The following RASGRF1 variants were observed in gnomAD, a reference collection of about 807,000 sequenced individuals.
RASGRF1 encodes ras-specific guanine nucleotide-releasing factor 1.
RASGRF1 carries 40 observed loss-of-function variants against 138.7 expected under a neutral mutation model. That is an observed-to-expected ratio of 0.29 (90% CI 0.22 to 0.38). The LOEUF (loss-of-function observed/expected upper bound fraction) is 0.38. RASGRF1 is among the 10% of genes least tolerant of loss of function. The probability of loss-of-function intolerance (pLI) is 1.00; values close to 1 mark genes in which losing one functional copy is unlikely to be tolerated. For synonymous variants in RASGRF1, 614 were observed against 663.2 expected (o/e 0.93, Z 1.14); for missense variants, 1,108 against 1,650.4 (o/e 0.67, Z 5.69).
intron 3 of RASGRF1, among the ~76,000 whole-genome samples, chr15:79,057,127 C>T (rs2057521584): frequency 1.3e-5 from 2 of 152,178 alleles, no homozygotes; most frequent in African/African-American, 4.8e-5. Context: ...CACAGTCCAC[C>T]ATCACCCCCA....
chr15:79,018,436 C>T (rs1323249502), intron 11 of RASGRF1, among the ~76,000 whole-genome samples: 2 of 152,250 alleles, frequency 1.3e-5, no homozygotes, highest in Non-Finnish European at 2.9e-5. Context: ...CTGAAAGTCC[C>T]TTGAAGTCTT....
At chr15:78,963,822 A>G (rs2141581948) in intron 26 of RASGRF1, among the ~76,000 whole-genome samples, 1 of 152,298 alleles carries the variant, frequency 6.6e-6, no homozygotes, top group Middle Eastern at 3.4e-3. Context: ...GTCTGGTTTA[A>G]CCTACACCCA....
intron 10 of RASGRF1, among the ~76,000 whole-genome samples, chr15:79,024,019 T>TCTCA (rs528187864): frequency 6.7e-6 from 1 of 149,286 alleles, no homozygotes; most frequent in African/African-American, 2.5e-5. Context: ...GATACACACA[T>TCTCA]CACACACACA....
intron 2 of RASGRF1, among the ~76,000 whole-genome samples, chr15:79,059,227 CCCTTCCCTTCCCTTCCCTTCCCTAT>C (rs1204605136): frequency 0.018 from 1,160 of 62,828 alleles, 30 homozygotes; most frequent in East Asian, 0.041. Context: ...CCCTATCCTT[CCCTTCCCTTCCCTTCCCTTCCCTAT>C]CCTTCCCTTC....
At chr15:79,054,397 T>A (rs955306130) in intron 3 of RASGRF1, among the ~76,000 whole-genome samples, 10 of 152,226 alleles carry the variant, frequency 6.6e-5, no homozygotes, top group Non-Finnish European at 1.3e-4. Context: ...TACAACAGCC[T>A]GTGTCGTGGG....
intron 14 of RASGRF1, chr15:79,004,920 AC>A: frequency 1.0e-6 from 1 of 981,770 alleles, no homozygotes; most frequent in Non-Finnish European, 1.2e-6. Context: ...CAGGTAGGAA[AC>A]TGAGTCTCAG....
chr15:78,985,121 T>C lies in RASGRF1; in HGVS notation c.3300A>G (p.Val1100=). 6.2e-7 allele frequency: 1 copy of C among 1,613,578 alleles called. No individual in the cohort carries two copies. The highest frequency in any genetic ancestry group is 8.5e-7 in the Non-Finnish European group (1 of 1,179,514). The change falls in exon 23 of 27, where the codon GTA becomes GTG. Residue 1100 remains valine, a synonymous_variant. Transcript: ENST00000558480. Reference sequence around the variant, plus strand: ...TGTGGAGGCAGCGGCATATGTCAGCTACGGCCACCCACTTCTCGATGGCGC... The same window carrying C: ...TGTGGAGGCAGCGGCATATGTCAGCCACGGCCACCCACTTCTCGATGGCGC... The part of the protein sequence containing the change: ...RVSAIEKWVA[V]ADICRCLHNY...
chr15:79,048,542 G>T (rs1198737544), intron 4 of RASGRF1, among the ~76,000 whole-genome samples: 9 of 152,188 alleles, frequency 5.9e-5, no homozygotes, highest in Non-Finnish European at 1.3e-4. Flanking sequence ...GAATTAATCT[G>T]CATAAAGCTC....
intron 1 of RASGRF1, among the ~76,000 whole-genome samples, chr15:79,071,306 G>T (rs1247431313): frequency 6.6e-6 from 1 of 151,598 alleles, no homozygotes; most frequent in African/African-American, 2.4e-5. Flanking sequence ...TTTCCTCTCT[G>T]TTCTTTCCAT....
intron 21 of RASGRF1, among the ~76,000 whole-genome samples, chr15:78,991,319 C>T (rs1052680541): frequency 6.6e-6 from 1 of 152,188 alleles, no homozygotes; most frequent in Non-Finnish European, 1.5e-5. Context: ...CACGCCTGTC[C>T]CCTAAATCAG....
At chr15:79,062,158 A>ATCTCAATGTAGTCC (rs1433088018) in intron 2 of RASGRF1, among the ~76,000 whole-genome samples, 1 of 152,220 alleles carries the variant, frequency 6.6e-6, no homozygotes, top group East Asian at 1.9e-4. Flanking sequence ...GAGATTCTAA[A>ATCTCAATGTAGTCC]TCAATGTAGT....
chr15:79,026,735 T>A (rs1476240572), intron 9 of RASGRF1, among the ~76,000 whole-genome samples: 1 of 152,178 alleles, frequency 6.6e-6, no homozygotes, highest in Non-Finnish European at 1.5e-5. Flanking sequence ...AGGGGTCATT[T>A]CTTGGGCTAC....
intron 26 of RASGRF1, 21 bp downstream of exon 26, chr15:78,971,845 C>CAGCAAG (rs2141598168): frequency 1.3e-6 from 2 of 1,552,624 alleles, no homozygotes; most frequent in East Asian, 2.2e-5. Context: ...ATGCAAGTGA[C>CAGCAAG]CAGGAAAAGG....
chr15:78,998,581 T>A (rs4778773), intron 18 of RASGRF1, 138 bp downstream of exon 18: 1 of 726,784 alleles, frequency 1.4e-6, no homozygotes, highest in Non-Finnish European at 2.4e-6. Flanking sequence ...GGGTGGCACA[T>A]TTGAGCTCCC....
rs2055820368 is a variant in RASGRF1, at chr15:78,973,845, C to A, written c.3495-425G>T. Among the ~76,000 whole-genome samples the A allele has an allele frequency of 6.6e-6, 1 of 152,100 alleles. No homozygotes were observed. Among genetic ancestry groups the A allele is most frequent in the Non-Finnish European group, 1.5e-5 (1 of 68,014 alleles). Reference sequence around the variant, plus strand: ...ATCACCTCCTGGAGGGCTCTGCAGCCCCAGCCCCCCAACTCCTGCCAGTCA... The same window carrying A: ...ATCACCTCCTGGAGGGCTCTGCAGCACCAGCCCCCCAACTCCTGCCAGTCA... On this transcript the variant is annotated intron_variant, in intron 24 of 26. Transcript: ENST00000558480. The surrounding 1 kb of genome is among the most constrained non-coding windows in gnomAD (Gnocchi z 4.9).
intron 26 of RASGRF1, among the ~76,000 whole-genome samples, chr15:78,963,468 A>AT (rs1370648450): frequency 6.6e-6 from 1 of 151,888 alleles, no homozygotes; most frequent in Non-Finnish European, 1.5e-5. Context: ...TGCCTGGCTA[A>AT]TTTTTGTATT....
At chr15:79,079,440 C>T (rs1324462130) in intron 1 of RASGRF1, among the ~76,000 whole-genome samples, 1 of 128,938 alleles carries the variant, frequency 7.8e-6, no homozygotes. Context: ...CTAAATATCC[C>T]TCAAGAAGAG....
intron 20 of RASGRF1, 74 bp from the exon 21 acceptor site, chr15:78,991,868 T>C: frequency 8.2e-7 from 1 of 1,226,418 alleles, no homozygotes; most frequent in Non-Finnish European, 1.2e-6. Context: ...CAGCTGCCTC[T>C]GTGGGGGTAT....
chr15:78,987,661 A>T (rs2056188088), intron 22 of RASGRF1, among the ~76,000 whole-genome samples: 1 of 152,048 alleles, frequency 6.6e-6, no homozygotes, highest in South Asian at 2.1e-4. Flanking sequence ...GTACTACTGC[A>T]CTCCAGCCTG....
Sources: allele counts gnomAD v4.1 joint callset (sites outside exome capture counted in the v4.1 genomes callset), GRCh38; gene constraint gnomAD v4.1.1; non-coding constraint Gnocchi (gnomAD v3.1); transcripts MANE v1.5; gene names NCBI Gene and HGNC (gene_info 2026-07-23, HGNC 2026-07-21).